SGIP1: variants seen among roughly 807,000 people sequenced by gnomAD.
SGIP1 encodes SH3-containing GRB2-like protein 3-interacting protein 1.
Under a neutral mutation model 107.5 loss-of-function variants are expected in SGIP1, and 38 were observed. The ratio of observed to expected loss-of-function variants is 0.35; its 90% CI spans 0.27 to 0.46. The LOEUF (loss-of-function observed/expected upper bound fraction) is 0.46. Among genes scored for constraint, SGIP1 ranks in the 20% least tolerant of loss-of-function variants. The pLI is 1.00. For missense variants in SGIP1, 929 were observed against 1,019.5 expected, an observed-to-expected ratio of 0.91 and a Z score of 1.21; for synonymous variants, 365 against 366.1, an observed-to-expected ratio of 1.00 and a Z score of 0.03.
At chr1:66,553,901 T>C (rs1308707269) in intron 1 of SGIP1, among the ~76,000 whole-genome samples, 2 of 152,118 alleles carry the variant, frequency 1.3e-5, no homozygotes, top group African/African-American at 4.8e-5. Flanking sequence ...TCTGGCACTC[T>C]TGGGTTGGCA....
intron 15 of SGIP1, among the ~76,000 whole-genome samples, chr1:66,682,786 T>C (rs866697864): frequency 7.3e-5 from 11 of 151,446 alleles, no homozygotes; most frequent in Non-Finnish European, 8.8e-5. Flanking sequence ...GTTATGTGTG[T>C]ATGTAGGCAA....
intron 1 of SGIP1, among the ~76,000 whole-genome samples, chr1:66,560,090 C>A (rs2058715840): frequency 6.6e-6 from 1 of 152,010 alleles, no homozygotes; most frequent in East Asian, 1.9e-4. Context: ...AATACACCAA[C>A]TCATCACAGA....
intron 1 of SGIP1, among the ~76,000 whole-genome samples, chr1:66,617,346 C>T (rs546044212): frequency 1.3e-5 from 2 of 152,260 alleles, no homozygotes; most frequent in East Asian, 3.9e-4. Flanking sequence ...AACTGGCCTC[C>T]ATCTTAACTG....
chr1:66,663,738 T>A (rs1428907349), intron 8 of SGIP1, among the ~76,000 whole-genome samples: 1 of 152,140 alleles, frequency 6.6e-6, no homozygotes, highest in Non-Finnish European at 1.5e-5. Context: ...GTTTCCAAAA[T>A]GCTATATTAC....
At chr1:66,536,192 C>A (rs910516808) in intron 1 of SGIP1, among the ~76,000 whole-genome samples, 7 of 152,176 alleles carry the variant, frequency 4.6e-5, no homozygotes, top group African/African-American at 1.4e-4. Context: ...CACTATTGCT[C>A]TGGGTTTGCC....
chr1:66,713,757 GATT>G (rs907030646), intron 18 of SGIP1, among the ~76,000 whole-genome samples: 3 of 151,872 alleles, frequency 2.0e-5, no homozygotes, highest in Admixed American at 2.0e-4. Context: ...AATTAATTAT[GATT>G]ATTCAAATAA....
intron 2 of SGIP1, chr1:66,628,487 A>G (rs2149341879): frequency 6.5e-6 from 1 of 154,972 alleles, no homozygotes; most frequent in Admixed American, 6.5e-5. Flanking sequence ...AAGGCATTAT[A>G]GGACTCATAT....
chr1:66,629,461 C>T (rs1365498262), intron 2 of SGIP1, among the ~76,000 whole-genome samples: 3 of 151,924 alleles, frequency 2.0e-5, no homozygotes, highest in East Asian at 1.9e-4. Context: ...TGAAGGCTAC[C>T]CACAAACTAA....
chr1:66,743,879 T>C lies in SGIP1; in HGVS notation c.*784T>C, dbSNP rs485521. The C allele has an allele frequency of 0.35, 53,491 of 152,470 alleles. 10,241 individuals carry two copies. Among genetic ancestry groups the C allele is most frequent in the Non-Finnish European group, 0.42 (28,802 of 67,922 alleles). 9.4% of individuals were successfully genotyped at this position (152,470 alleles called of 1,614,324 possible). A position where few individuals can be genotyped will look rare whatever the true frequency, so the allele number is the denominator to read the frequency against. On this transcript the variant is annotated 3_prime_UTR_variant, in exon 25 of 25. Transcript: ENST00000371037. The stretch of plus-strand genomic sequence containing the variant: ...ATTATAATCAAGAGTAAAGAAGATG[T>C]TGAAGTCTTAACTACTTGCCCCTCT...
chr1:66,739,544 A>G lies in SGIP1; in HGVS notation c.2234+7A>G, dbSNP rs367767067. 5 of 1,613,256 alleles carry G rather than the reference A, an allele frequency of 3.1e-6. No homozygotes were observed. The South Asian group carries it at 5.5e-5, about 18-fold the overall frequency. On this transcript the variant is annotated splice_region_variant and intron_variant, in intron 22 of 24. Coordinates refer to ENST00000371037, the MANE Select transcript of SGIP1 (RefSeq NM_032291.4). ...TGCTCCCACCAGCAGTCTGGTATGA[A>G]GCCTCCTATTCTCTCCACCAAAGGG... is the stretch of plus-strand genomic sequence containing the variant.
intron 1 of SGIP1, among the ~76,000 whole-genome samples, chr1:66,559,540 G>A (rs2058643749): frequency 6.6e-6 from 1 of 152,042 alleles, no homozygotes; most frequent in Non-Finnish European, 1.5e-5. Context: ...AAGAGCAGAG[G>A]GAGTCAAAAG....
chr1:66,724,313 T>A (rs947939495), intron 19 of SGIP1, among the ~76,000 whole-genome samples: 27 of 152,230 alleles, frequency 1.8e-4, no homozygotes, highest in African/African-American at 6.5e-4. Flanking sequence ...GAAGTAAGCA[T>A]CTATTCATAT....
intron 1 of SGIP1, among the ~76,000 whole-genome samples, chr1:66,565,148 T>C (rs1338189): frequency 0.19 from 28,711 of 151,886 alleles, 3,058 homozygotes; most frequent in African/African-American, 0.29. Flanking sequence ...GTTCCATGTC[T>C]GGGGAAAAAC....
Position 66,749,843 on chromosome 1 carries a change from C to A in SGIP1, c.*6748C>A, listed in dbSNP as rs2150838696. ...TACAACAAGTAACTATCACAAGAAC[C>A]ACTGTCCCAAGATCCAAAGTCAGAT... is the stretch of plus-strand genomic sequence containing the variant. On this transcript the variant is annotated 3_prime_UTR_variant, in exon 25 of 25. Transcript: ENST00000371037. 6.6e-6 allele frequency among the ~76,000 whole-genome samples: 1 copy of A among 152,224 alleles called. No individual in the cohort carries two copies. Among genetic ancestry groups the A allele is most frequent in the South Asian group, 2.1e-4 (1 of 4,820 alleles).
At chr1:66,642,663 T>A (rs1368368153) in intron 5 of SGIP1, 147 bp from the exon 6 acceptor site, 2 of 575,036 alleles carry the variant, frequency 3.5e-6, no homozygotes, top group Non-Finnish European at 6.0e-6. Flanking sequence ...CTAAACATAT[T>A]GCTCAGAATT....
At chr1:66,661,058 T>A (rs1476086959) in intron 8 of SGIP1, among the ~76,000 whole-genome samples, 2 of 152,222 alleles carry the variant, frequency 1.3e-5, no homozygotes, top group Non-Finnish European at 2.9e-5. Context: ...TTATAAAATG[T>A]AAATTACCTC....
intron 1 of SGIP1, among the ~76,000 whole-genome samples, chr1:66,570,816 A>G (rs897385522): frequency 2.0e-5 from 3 of 151,790 alleles, no homozygotes; most frequent in African/African-American, 4.8e-5. Flanking sequence ...CAATAATTCA[A>G]TTTGAGAATT....
chr1:66,675,754 G>C (rs906482089), intron 12 of SGIP1, among the ~76,000 whole-genome samples: 4 of 151,508 alleles, frequency 2.6e-5, no homozygotes, highest in Non-Finnish European at 4.4e-5. Context: ...AGCTGGTCTC[G>C]AACTCCTGGA....
chr1:66,582,985 A>T (rs962991591), intron 1 of SGIP1, among the ~76,000 whole-genome samples: 1 of 152,132 alleles, frequency 6.6e-6, no homozygotes. Context: ...TTTGTACAAA[A>T]ATTAGATGAT....
Sources: allele counts gnomAD v4.1 joint callset (sites outside exome capture counted in the v4.1 genomes callset), GRCh38; gene constraint gnomAD v4.1.1; transcripts MANE v1.5; gene names NCBI Gene and HGNC (gene_info 2026-07-23, HGNC 2026-07-21).